The following RAD54L2 variants were observed in gnomAD, a reference collection of about 807,000 sequenced individuals.
RAD54L2 encodes helicase ARIP4.
In RAD54L2, 27 loss-of-function variants were observed where a neutral mutation model predicts 138.4. That is an observed-to-expected ratio of 0.20 (90% confidence interval 0.14 to 0.27). RAD54L2 has a LOEUF of 0.27. RAD54L2 is among the 10% of genes least tolerant of loss of function. The probability of loss-of-function intolerance (pLI) is 1.00; values close to 1 mark genes in which losing one functional copy is unlikely to be tolerated. For missense variants in RAD54L2, 1,396 were observed against 1,890.2 expected, an observed-to-expected ratio of 0.74 and a Z score of 4.85; for synonymous variants, 644 against 723.2, an observed-to-expected ratio of 0.89 and a Z score of 1.76.
intron 16 of RAD54L2, among the ~76,000 whole-genome samples, chr3:51,644,611 T>G (rs1159705655): frequency 6.6e-6 from 1 of 152,240 alleles, no homozygotes. Context: ...TATTGTCTCA[T>G]GCCAAGCAGC....
chr3:51,619,350 C>T (rs976516296), intron 3 of RAD54L2, among the ~76,000 whole-genome samples: 2 of 152,206 alleles, frequency 1.3e-5, no homozygotes, highest in Non-Finnish European at 2.9e-5. Context: ...AGCCACCACG[C>T]CTGGTCTAGG....
chr3:51,651,185 G>C (rs1701424702), intron 19 of RAD54L2, among the ~76,000 whole-genome samples: 1 of 152,162 alleles, frequency 6.6e-6, no homozygotes, highest in Admixed American at 6.5e-5. Flanking sequence ...AGAAAATCTA[G>C]AGGAAATGGA....
intron 2 of RAD54L2, among the ~76,000 whole-genome samples, chr3:51,547,048 A>G (rs1380472787): frequency 1.3e-5 from 2 of 150,382 alleles, no homozygotes; most frequent in Non-Finnish European, 3.0e-5. Context: ...CAAAAAAAAG[A>G]AAGGAAGTTG....
intron 3 of RAD54L2, among the ~76,000 whole-genome samples, chr3:51,621,866 A>G (rs558420772): frequency 1.3e-5 from 2 of 152,290 alleles, no homozygotes; most frequent in Admixed American, 1.3e-4. Context: ...AAGTTGCAGT[A>G]TTGGTGGAAG....
rs1351154035 is a variant in RAD54L2, at chr3:51,604,621, C to A, written c.139+14062C>A. Among the ~76,000 whole-genome samples, 4 of 152,306 alleles carry A rather than the reference C, an allele frequency of 2.6e-5. No individual in the cohort carries two copies. In the East Asian group the frequency reaches 7.7e-4, roughly 29 times the overall value. On this transcript the variant is annotated intron_variant, in intron 3 of 22. Coordinates refer to ENST00000684192, the MANE Select transcript of RAD54L2 (RefSeq NM_015106.4). ...AAAATGGGAACAATTAGAGCATGATCTCCTTAATATAGTTGTTTGATGACT... is the reference window on the plus strand; with the variant it reads ...AAAATGGGAACAATTAGAGCATGATATCCTTAATATAGTTGTTTGATGACT...
intron 19 of RAD54L2, among the ~76,000 whole-genome samples, chr3:51,652,619 C>T (rs1222139790): frequency 2.6e-5 from 4 of 152,124 alleles, no homozygotes; most frequent in Non-Finnish European, 5.9e-5. Context: ...TCAGAAATAA[C>T]ACCACACGTC....
chr3:51,662,632 C>G lies in RAD54L2; in HGVS notation c.3616C>G (p.Pro1206Ala), dbSNP rs1229961648. The G allele has an allele frequency of 6.2e-7, 1 of 1,612,512 alleles. No homozygotes were observed. The part of the protein sequence containing the change: ...PSTNAALPGP[P>A]AQLMDSSAVP... ...CACCAATGCCGCCCTGCCTGGCCCC[C>G]CGGCCCAACTTATGGACAGCAGTGC... The change falls in exon 23 of 23, where the codon CCG becomes GCG. Residue 1206 changes from proline to alanine, a missense_variant. Around this residue, in one of 7 missense-constraint regions of RAD54L2, gnomAD observed 634 missense variants for 711.2 expected, o/e 0.89. Transcript: ENST00000684192. The surrounding 1 kb of genome is among the most constrained non-coding windows in gnomAD (Gnocchi z 4.6).
At chr3:51,568,106 G>C (rs1394102718) in intron 2 of RAD54L2, among the ~76,000 whole-genome samples, 1 of 152,164 alleles carries the variant, frequency 6.6e-6, no homozygotes, top group Non-Finnish European at 1.5e-5. Flanking sequence ...AAGTGGCTGC[G>C]GTGTGGGGCA....
intron 3 of RAD54L2, among the ~76,000 whole-genome samples, chr3:51,616,113 C>A (rs931651550): frequency 5.3e-5 from 8 of 152,056 alleles, no homozygotes; most frequent in Non-Finnish European, 7.4e-5. Flanking sequence ...CAATATTTAT[C>A]TTTTCTTTAT....
chr3:51,539,274 GTA>G (rs1559608850), intron 1 of RAD54L2, among the ~76,000 whole-genome samples: 1 of 152,172 alleles, frequency 6.6e-6, no homozygotes, highest in Non-Finnish European at 1.5e-5. Context: ...GGTTGGGAAA[GTA>G]TTTGGAATTT....
At chr3:51,539,888 T>A (rs1698508144) in intron 1 of RAD54L2, among the ~76,000 whole-genome samples, 1 of 152,202 alleles carries the variant, frequency 6.6e-6, no homozygotes, top group Admixed American at 6.5e-5. Context: ...TGGATGAGTT[T>A]GTTCCCACGT....
At chr3:51,621,023 AAAC>A (rs1700558952) in intron 3 of RAD54L2, among the ~76,000 whole-genome samples, 1 of 152,160 alleles carries the variant, frequency 6.6e-6, no homozygotes, top group South Asian at 2.1e-4. Context: ...GGTAAAAAAA[AAAC>A]AACACAGTGA....
chr3:51,625,175 T>C (rs1404317131), intron 3 of RAD54L2, among the ~76,000 whole-genome samples: 1 of 152,040 alleles, frequency 6.6e-6, no homozygotes, highest in Non-Finnish European at 1.5e-5. Flanking sequence ...TCCCAGCACT[T>C]TGGGAGGCTG....
chr3:51,623,635 G>A (rs1700614087), intron 3 of RAD54L2, among the ~76,000 whole-genome samples: 1 of 152,114 alleles, frequency 6.6e-6, no homozygotes, highest in Non-Finnish European at 1.5e-5. Flanking sequence ...ATACCCATGG[G>A]CAAATATTTA....
chr3:51,602,455 A>G lies in RAD54L2; in HGVS notation c.139+11896A>G, dbSNP rs373838598. On this transcript the variant is annotated intron_variant, in intron 3 of 22. Transcript: ENST00000684192. ...CAGCCCACAGATCACCATATGATCT[A>G]TAGGACTATCAGAATAGACTTTGTC... Among the ~76,000 whole-genome samples, 266 of 152,326 alleles carry G rather than the reference A, an allele frequency of 1.7e-3. 4 individuals carry two copies. In the South Asian group the frequency reaches 0.021, roughly 12 times the overall value.
chr3:51,576,057 AG>A (rs1699474155), intron 2 of RAD54L2, among the ~76,000 whole-genome samples: 1 of 152,268 alleles, frequency 6.6e-6, no homozygotes, highest in African/African-American at 2.4e-5. Flanking sequence ...TTTAGCATGA[AG>A]GGCTGTTGAA....
intron 3 of RAD54L2, among the ~76,000 whole-genome samples, chr3:51,625,300 C>G (rs1407737016): frequency 6.6e-6 from 1 of 152,044 alleles, no homozygotes; most frequent in Non-Finnish European, 1.5e-5. Context: ...TGCCTGTAAT[C>G]CCAGCTACTC....
chr3:51,547,809 T>G (rs1324962532), intron 2 of RAD54L2, among the ~76,000 whole-genome samples: 1 of 152,142 alleles, frequency 6.6e-6, no homozygotes, highest in Non-Finnish European at 1.5e-5. Context: ...TTCGAACTCC[T>G]GAGCTCAAGC....
chr3:51,584,807 T>A lies in RAD54L2; in HGVS notation c.-54-5560T>A, dbSNP rs767174494. ...TTTCCTGCTGTTCTTTTTAAAAATT[T>A]TTTATTTATTTATTTATTTTTCGAG... On this transcript the variant is annotated intron_variant, in intron 2 of 22. Coordinates refer to ENST00000684192, the MANE Select transcript of RAD54L2 (RefSeq NM_015106.4). Among the ~76,000 whole-genome samples, 64 of 151,838 alleles carry A rather than the reference T, an allele frequency of 4.2e-4. 1 individual carries two copies. Among genetic ancestry groups the A allele is most frequent in the South Asian group, 2.5e-3 (12 of 4,794 alleles).
Sources: allele counts gnomAD v4.1 joint callset (sites outside exome capture counted in the v4.1 genomes callset), GRCh38; gene constraint gnomAD v4.1.1; regional missense constraint gnomAD v4.1.1; non-coding constraint Gnocchi (gnomAD v3.1); transcripts MANE v1.5; gene names NCBI Gene and HGNC (gene_info 2026-07-23, HGNC 2026-07-21).